OGG1: variants seen among roughly 807,000 people sequenced by gnomAD.
The protein encoded by OGG1 is N-glycosylase/DNA lyase.
A neutral mutation model predicts 42.3 loss-of-function variants in OGG1; 35 were observed. The observed-to-expected ratio is 0.83, with a 90% CI of 0.63 to 1.10. The LOEUF (loss-of-function observed/expected upper bound fraction) is 1.10, where lower values mean the gene tolerates loss of function less well. OGG1 is among the 50% of genes least tolerant of loss of function. The probability of loss-of-function intolerance (pLI) is 0.00; values close to 1 mark genes in which losing one functional copy is unlikely to be tolerated. For missense variants in OGG1, 484 were observed against 446.7 expected (o/e 1.08, Z -0.75); for synonymous variants, 189 against 179.0 (o/e 1.06, Z -0.44).
intron 2 of OGG1, among the ~76,000 whole-genome samples, chr3:9,776,622 C>T (rs939808808): frequency 2.6e-5 from 4 of 152,104 alleles, no homozygotes; most frequent in Non-Finnish European, 5.9e-5. Context: ...ATCTCCTGAC[C>T]TCGTGATCCG....
chr3:9,773,627 C>A (rs1201665044), intron 2 of OGG1, among the ~76,000 whole-genome samples: 1 of 129,160 alleles, frequency 7.7e-6, no homozygotes, highest in Non-Finnish European at 1.7e-5. Context: ...ATGATCTTTT[C>A]TTCTTTTTTT....
At chr3:9,756,910 T>C (rs1387718244) in intron 6 of OGG1, 94 bp downstream of exon 6, 1 of 1,611,912 alleles carries the variant, frequency 6.2e-7, no homozygotes, top group Non-Finnish European at 8.5e-7. Flanking sequence ...CCTAAAGGAC[T>C]CTCCAGCCAC....
chr3:9,782,740 G>A (rs1283999636), intron 3 of OGG1, among the ~76,000 whole-genome samples: 3 of 147,100 alleles, frequency 2.0e-5, no homozygotes, highest in Middle Eastern at 3.6e-3. Flanking sequence ...GCAGTGAGCC[G>A]AGATCATGGC....
At chr3:9,780,819 G>A (rs1436571284) in intron 2 of OGG1, among the ~76,000 whole-genome samples, 2 of 152,148 alleles carry the variant, frequency 1.3e-5, no homozygotes, top group Non-Finnish European at 2.9e-5. Context: ...TCTCAATTTT[G>A]TTGTGAACTT....
rs376666435 is a variant in OGG1 at position 9,756,779 on chromosome 3, G to A, written c.911G>A (p.Arg304Gln). 2.4e-5 allele frequency: 39 copies of A among 1,613,934 alleles called. No individual in the cohort carries two copies. The highest frequency in any genetic ancestry group is 6.7e-5 in the East Asian group (3 of 44,896). Residue 304 changes from arginine to glutamine, a missense_variant, in exon 6 of 7, where the codon CGG (arginine) becomes CAG (glutamine). Transcript: ENST00000344629. Reference sequence around the variant, plus strand: ...ACTTCTGATTTAGGAAACTTTTTCCGGAGCCTGTGGGGACCTTATGCTGGC... The same window carrying A: ...ACTTCTGATTTAGGAAACTTTTTCCAGAGCCTGTGGGGACCTTATGCTGGC... The part of the protein sequence containing the change: ...QTNKELGNFF[R>Q]SLWGPYAGWA...
intron 7 of OGG1, chr3:9,762,878 G>C: frequency 1.2e-6 from 2 of 1,609,382 alleles, no homozygotes; most frequent in Non-Finnish European, 1.7e-6. Flanking sequence ...CCCCACCCCT[G>C]GGTACCCTAG....
At chr3:9,762,872 A>G in intron 7 of OGG1, 1 of 1,605,304 alleles carries the variant, frequency 6.2e-7, no homozygotes, top group Non-Finnish European at 8.5e-7. Flanking sequence ...CAAAGGCCCC[A>G]CCCCTGGGTA....
downstream of OGG1, chr3:9,760,496 A>C: frequency 1.6e-6 from 1 of 642,790 alleles, no homozygotes; most frequent in South Asian, 1.9e-5. Flanking sequence ...GAAGTACCCA[A>C]GCAGAAGGAA....
intron 3 of OGG1, chr3:9,783,824 G>T: frequency 3.3e-6 from 3 of 906,010 alleles, no homozygotes; most frequent in Non-Finnish European, 4.6e-6. Flanking sequence ...GTCAGTCACA[G>T]ATGCCTGAGC....
chr3:9,776,450 C>T (rs1317258115), intron 2 of OGG1, among the ~76,000 whole-genome samples: 3 of 141,328 alleles, frequency 2.1e-5, no homozygotes, highest in East Asian at 2.0e-4. Flanking sequence ...AGTGCAGTGG[C>T]GCGATCTCGG....
intron 7 of OGG1, chr3:9,762,791 A>T: frequency 1.1e-6 from 1 of 925,104 alleles, no homozygotes. Flanking sequence ...TACAAGATCC[A>T]CTTTGTAGAT....
chr3:9,787,117 G>C (rs3816444), intron 3 of OGG1: 15 of 1,614,186 alleles, frequency 9.3e-6, no homozygotes, highest in Non-Finnish European at 1.2e-5. Flanking sequence ...CATCTAAGCG[G>C]GCACAGGAAA....
At chr3:9,780,366 C>T in intron 2 of OGG1, 2 of 1,612,488 alleles carry the variant, frequency 1.2e-6, no homozygotes, top group East Asian at 2.2e-5. Flanking sequence ...GCTACCCATC[C>T]AGCAGCTTCA....
downstream of OGG1, chr3:9,761,341 TGGAAGGAAGGGAGGGAG>T (rs544188374): frequency 3.3e-4 from 321 of 984,704 alleles, no homozygotes; most frequent in African/African-American, 3.8e-3. Flanking sequence ...AATTGATTGG[TGGAAGGAAGGGAGGGAG>T]GGAAGGAAGG....
chr3:9,760,162 G>A (rs893041546), downstream of OGG1: 5 of 198,142 alleles, frequency 2.5e-5, no homozygotes, highest in Admixed American at 1.6e-4. Flanking sequence ...AGAATTGCTC[G>A]AACCCGGGAG....
At chr3:9,761,782 G>T (rs2077888330), downstream of OGG1, 6 of 1,613,282 alleles carry the variant, frequency 3.7e-6, no homozygotes, top group Non-Finnish European at 3.4e-6. Flanking sequence ...GGGAAGAGAA[G>T]GGGCAATCAG....
chr3:9,776,388 CTT>C (rs57504240), intron 2 of OGG1, among the ~76,000 whole-genome samples: 22,333 of 119,826 alleles, frequency 0.19, 1,246 homozygotes, highest in East Asian at 0.43. Flanking sequence ...TTTTTCTTTT[CTT>C]TTTTTTTTTT....
chr3:9,768,275 A>G (rs536860770), downstream of OGG1, among the ~76,000 whole-genome samples: 7 of 152,216 alleles, frequency 4.6e-5, no homozygotes, highest in African/African-American at 1.4e-4. Flanking sequence ...TTCCAGCAAC[A>G]TCTCAGCCAC....
intron 7 of OGG1, chr3:9,763,132 C>T (rs1234814737): frequency 6.2e-7 from 1 of 1,614,110 alleles, no homozygotes; most frequent in Admixed American, 1.7e-5. Flanking sequence ...GAGGTTGGGC[C>T]ACTCACAGCT....
Sources: allele counts gnomAD v4.1 joint callset (sites outside exome capture counted in the v4.1 genomes callset), GRCh38; gene constraint gnomAD v4.1.1; transcripts MANE v1.5; gene names NCBI Gene and HGNC (gene_info 2026-07-23, HGNC 2026-07-21).